The following TBX22 variants were observed in gnomAD, a reference collection of about 807,000 sequenced individuals.
The protein encoded by TBX22 is T-box transcription factor TBX22.
Under a neutral mutation model 30.1 loss-of-function variants are expected in TBX22, and 8 were observed. The observed-to-expected ratio is 0.27, with a 90% CI of 0.16 to 0.48. The LOEUF (loss-of-function observed/expected upper bound fraction) is 0.48. Ranked by LOEUF, TBX22 falls within the 20% of genes least tolerant of loss-of-function variation. TBX22 has a pLI of 0.99. For missense variants in TBX22, 463 were observed against 400.5 expected (o/e 1.16, Z -1.33); for synonymous variants, 173 against 149.1 (o/e 1.16, Z -1.17).
At chrX:80,020,872 G>T (rs1167417194) in intron 1 of TBX22, among the ~76,000 whole-genome samples, 1 of 111,889 alleles carries the variant, frequency 8.9e-6, no homozygotes, top group Non-Finnish European at 1.9e-5. Flanking sequence ...TTACAAATGT[G>T]TCAGAGGAGA....
intron 8 of TBX22, among the ~76,000 whole-genome samples, chrX:80,029,026 T>C (rs1924117618): frequency 9.0e-6 from 1 of 111,078 alleles, no homozygotes; most frequent in Non-Finnish European, 1.9e-5. Context: ...CTTTTAAATA[T>C]CCAAGTCAAA....
At chrX:80,022,134 GTTTT>G in intron 1 of TBX22, 130 bp from the exon 2 acceptor site, 1 of 538,887 alleles carries the variant, frequency 1.9e-6, no homozygotes, top group Non-Finnish European at 2.9e-6. Context: ...TTGGGGTTTT[GTTTT>G]GTTTTGTTTT....
chrX:80,022,265 C>A lies in TBX22; in HGVS notation c.-2-3C>A. ...CTGCAAAGAATCCCTTCACCCCCTC[C>A]AGGGATGGCTCTGAGCTCTCGGGCG... On this transcript the variant is annotated splice_region_variant and splice_polypyrimidine_tract_variant and intron_variant, in intron 1 of 8. Coordinates refer to ENST00000373296, the MANE Select transcript of TBX22 (RefSeq NM_001109878.2). 1 of 1,211,112 alleles carries A rather than the reference C, an allele frequency of 8.3e-7. No individual in the cohort carries two copies. Among genetic ancestry groups the A allele is most frequent in the Non-Finnish European group, 1.1e-6 (1 of 895,202 alleles).
rs1411163180 is a variant in TBX22 at position 80,031,333 on chromosome X, G to C, written c.*222G>C. 1 of 400,038 alleles carries C rather than the reference G, an allele frequency of 2.5e-6. No homozygotes were observed. The highest frequency in any genetic ancestry group is 2.5e-5 in the African/African-American group (1 of 39,879). The allele number at this position is 400,038 out of a possible 1,213,427, so 33.0% of individuals were successfully genotyped here. Reference sequence around the variant, plus strand: ...AGGAATCTCTGATTACAGTGGCCTTGAGCTTCAAAATGAGATATGCAATAA... The same window carrying C: ...AGGAATCTCTGATTACAGTGGCCTTCAGCTTCAAAATGAGATATGCAATAA... On this transcript the variant is annotated 3_prime_UTR_variant, in exon 9 of 9. Transcript: ENST00000373296.
chrX:80,027,091 A>G (rs1362228650), intron 6 of TBX22, among the ~76,000 whole-genome samples, 165 bp from the exon 7 acceptor site: 1 of 112,517 alleles, frequency 8.9e-6, no homozygotes, highest in Non-Finnish European at 1.9e-5. Context: ...TATAAATAGG[A>G]GCTAACCATT....
At chrX:80,027,191 G>A in intron 6 of TBX22, 65 bp from the exon 7 acceptor site, 1 of 634,284 alleles carries the variant, frequency 1.6e-6, no homozygotes, top group Non-Finnish European at 2.7e-6. Flanking sequence ...ACCACTATAA[G>A]CAATGGCAAC....
At chrX:80,016,237 G>A (rs1277622734) in intron 1 of TBX22, among the ~76,000 whole-genome samples, 1 of 112,306 alleles carries the variant, frequency 8.9e-6, no homozygotes, top group Admixed American at 9.4e-5. Flanking sequence ...AAAATATATT[G>A]TAAATATCCA....
In TBX22 at chrX:80,030,680, A is replaced by T. The variant is rs887597789; in HGVS notation, c.1132A>T (p.Thr378Ser). The change falls in exon 9 of 9, where the codon ACT becomes TCT. Residue 378 changes from threonine (T) to serine (S), a missense_variant. Coordinates refer to ENST00000373296, the MANE Select transcript of TBX22 (RefSeq NM_001109878.2). Reference protein sequence around the residue: ...NLPLCYKICPTNFWQQQPLVL... With the variant: ...NLPLCYKICPSNFWQQQPLVL... ...GCCTCTATGCTACAAGATTTGTCCA[A>T]CTAATTTTTGGCAACAGCAACCTCT... The T allele has an allele frequency of 8.3e-7, 1 of 1,210,076 alleles. No individual in the cohort carries two copies.
At chrX:80,024,700 G>A (rs1478409958) in intron 4 of TBX22, among the ~76,000 whole-genome samples, 1 of 111,918 alleles carries the variant, frequency 8.9e-6, no homozygotes, top group African/African-American at 3.3e-5. Flanking sequence ...CCTTTCCCCT[G>A]AAGTAATGTC....
rs763177430 is a variant in TBX22, at chrX:80,025,764, A to T, written c.620A>T (p.Asp207Val). ...DRMKLTNNEMDDKGHIILQSM... is the reference protein window; with the variant it reads ...DRMKLTNNEMVDKGHIILQSM... The stretch of plus-strand genomic sequence containing the variant: ...ATGAAACTCACCAACAATGAGATGG[A>T]TGACAAAGGCCACGTACGTGAGCAC... Residue 207 changes from aspartate to valine, a missense_variant, in exon 5 of 9, where the codon GAT becomes GTT. Coordinates refer to ENST00000373296, the MANE Select transcript of TBX22 (RefSeq NM_001109878.2). 8.3e-7 allele frequency: 1 copy of T among 1,206,590 alleles called. No individual in the cohort carries two copies. Among genetic ancestry groups the T allele is most frequent in the Admixed American group, 2.2e-5 (1 of 45,520 alleles).
intron 1 of TBX22, among the ~76,000 whole-genome samples, chrX:80,018,215 G>A (rs892108656): frequency 1.3e-4 from 14 of 111,864 alleles, no homozygotes; most frequent in Non-Finnish European, 2.3e-4. Flanking sequence ...TTCCTGAAGT[G>A]AGAACACAGC....
At chrX:80,027,187 A>G (rs757473242) in intron 6 of TBX22, 69 bp from the exon 7 acceptor site, 87 of 622,783 alleles carry the variant, frequency 1.4e-4, no homozygotes, top group Non-Finnish European at 2.0e-4. Flanking sequence ...TGTAACCACT[A>G]TAAGCAATGG....
Position 80,022,437 on chromosome X carries a change from G to T in TBX22, c.168G>T (p.Glu56Asp), listed in dbSNP as rs1351169817. The change falls in exon 2 of 9, where the codon GAG becomes GAT. Residue 56 changes from glutamate (E) to aspartate (D), a missense_variant. By Grantham distance (45) the Glu-to-Asp change is conservative. Coordinates refer to ENST00000373296, the MANE Select transcript of TBX22 (RefSeq NM_001109878.2). ...GGAGCAGCGCTGCAGGGAAGAGCGAGCCGCTTGGTAAGTACTGCCATTGCC... is the reference window on the plus strand; with the variant it reads ...GGAGCAGCGCTGCAGGGAAGAGCGATCCGCTTGGTAAGTACTGCCATTGCC... The part of the protein sequence containing the change: ...ERRSSAAGKS[E>D]PLEKQPKTEP... The T allele has an allele frequency of 8.5e-7, 1 of 1,183,246 alleles. No individual in the cohort carries two copies. Among genetic ancestry groups the T allele is most frequent in the Non-Finnish European group, 1.1e-6 (1 of 881,584 alleles).
In TBX22 at chrX:80,023,397, T is replaced by C. The variant is rs1034549700; in HGVS notation, c.356+157T>C. 1.7e-5 allele frequency: 9 copies of C among 537,726 alleles called. No individual in the cohort carries two copies. The African/African-American group carries it at 1.9e-4, about 11-fold the overall frequency. The allele number at this position is 537,726 out of a possible 1,213,427, so 44.3% of individuals were successfully genotyped here. On this transcript the variant is annotated intron_variant, in intron 3 of 8. Coordinates refer to ENST00000373296, the MANE Select transcript of TBX22 (RefSeq NM_001109878.2). ...ACAGTAGAAAGCCATAGCCCCTCAA[T>C]TGATAGGGCTCGGACTTACCTGGCC... is the stretch of plus-strand genomic sequence containing the variant.
chrX:80,018,695 T>A (rs1923554647), intron 1 of TBX22, among the ~76,000 whole-genome samples: 1 of 112,511 alleles, frequency 8.9e-6, no homozygotes, highest in Admixed American at 9.4e-5. Context: ...GTGGTTTGCA[T>A]GTTTTCTTCT....
chrX:80,029,308 A>G (rs1167841767), intron 8 of TBX22, among the ~76,000 whole-genome samples: 1 of 112,216 alleles, frequency 8.9e-6, no homozygotes, highest in African/African-American at 3.2e-5. Flanking sequence ...CCAATAACCA[A>G]TTGTTTGAAT....
At chrX:80,015,700 T>C (rs2147574274) in intron 1 of TBX22, among the ~76,000 whole-genome samples, 1 of 112,204 alleles carries the variant, frequency 8.9e-6, no homozygotes, top group South Asian at 3.7e-4. Context: ...AGAAAGCACC[T>C]GGCCATAAAA....
chrX:80,023,901 AATC>A (rs1184669877), intron 3 of TBX22, among the ~76,000 whole-genome samples, 159 bp from the exon 4 acceptor site: 1 of 112,176 alleles, frequency 8.9e-6, no homozygotes. Context: ...TGCAACCAAC[AATC>A]TTTCCTCATG....
Position 80,026,726 on chromosome X carries a change from A to G in TBX22, c.656A>G (p.Lys219Arg). The change falls in exon 6 of 9, where the codon AAG becomes AGG. Residue 219 changes from lysine to arginine, a missense_variant. Lys to Arg is a conservative substitution (Grantham distance 26). Transcript: ENST00000373296. Reference sequence around the variant, plus strand: ...CAGATCATTCTGCAATCCATGCATAAGTACAAACCCCGAGTGCACGTGATA... The same window carrying G: ...CAGATCATTCTGCAATCCATGCATAGGTACAAACCCCGAGTGCACGTGATA... ...KGHIILQSMHKYKPRVHVIEQ... is the reference protein window; with the variant it reads ...KGHIILQSMHRYKPRVHVIEQ... 8.3e-7 allele frequency: 1 copy of G among 1,211,746 alleles called. No individual in the cohort carries two copies. The highest frequency in any genetic ancestry group is 1.1e-6 in the Non-Finnish European group (1 of 895,359).
Sources: gnomAD v4.1 joint callset for allele counts (sites outside exome capture counted in the v4.1 genomes callset) on GRCh38, gnomAD v4.1.1 for gene constraint, MANE v1.5 for transcripts, NCBI Gene and HGNC (gene_info 2026-07-23, HGNC 2026-07-21) for gene names.